TNFRSF13B: variants seen among roughly 807,000 people sequenced by gnomAD.
The protein encoded by TNFRSF13B is tumor necrosis factor receptor superfamily member 13B.
In TNFRSF13B, 34 loss-of-function variants were observed where a neutral mutation model predicts 24.0. That is an observed-to-expected ratio of 1.41 (90% CI 1.08 to 1.88). The LOEUF (loss-of-function observed/expected upper bound fraction) is 1.88, where lower values mean the gene tolerates loss of function less well. TNFRSF13B is among the 40% of genes most tolerant of loss of function. The pLI is 0.00. For missense variants in TNFRSF13B, 415 were observed against 380.8 expected (o/e 1.09, Z -0.75); for synonymous variants, 173 against 150.3 (o/e 1.15, Z -1.10).
At chr17:16,968,034 G>A (rs1257035819) in intron 1 of TNFRSF13B, among the ~76,000 whole-genome samples, 10 of 149,582 alleles carry the variant, frequency 6.7e-5, no homozygotes, top group Admixed American at 2.0e-4. Flanking sequence ...CCAGCTACTC[G>A]GGATGCTGAG....
chr17:16,941,375 G>A, intron 3 of TNFRSF13B: 1 of 987,646 alleles, frequency 1.0e-6, no homozygotes, highest in Non-Finnish European at 1.2e-6. Context: ...CTCCAGGTTT[G>A]GATGCCAGAG....
At chr17:16,962,939 C>A (rs1247502542) in intron 1 of TNFRSF13B, among the ~76,000 whole-genome samples, 1 of 152,184 alleles carries the variant, frequency 6.6e-6, no homozygotes, top group Non-Finnish European at 1.5e-5. Flanking sequence ...CAATCCAGAG[C>A]GTCTAAAATG....
chr17:16,960,380 A>G (rs971728889), intron 1 of TNFRSF13B, among the ~76,000 whole-genome samples: 1 of 152,150 alleles, frequency 6.6e-6, no homozygotes, highest in Admixed American at 6.5e-5. Context: ...GCACCAGGAG[A>G]ACTAGCCAGA....
intron 1 of TNFRSF13B, among the ~76,000 whole-genome samples, chr17:16,952,954 T>C (rs1368156643): frequency 3.3e-5 from 5 of 152,174 alleles, no homozygotes; most frequent in Admixed American, 6.5e-5. Context: ...CCCCAGCCCC[T>C]GCCCCTCAGC....
intron 3 of TNFRSF13B, among the ~76,000 whole-genome samples, chr17:16,945,773 C>T (rs1364238630): frequency 6.6e-6 from 1 of 152,180 alleles, no homozygotes; most frequent in African/African-American, 2.4e-5. Flanking sequence ...TAAAAATGGC[C>T]TTGAATTCAC....
intron 3 of TNFRSF13B, 33 bp from the exon 4 acceptor site, chr17:16,940,544 G>A (rs1215480902): frequency 5.0e-6 from 8 of 1,605,684 alleles, no homozygotes; most frequent in Non-Finnish European, 6.8e-6. Context: ...TCTCTGCAGT[G>A]CCTTCTTCTC....
rs72553885 is a variant in TNFRSF13B, at chr17:16,940,378, G to T, written c.579C>A (p.Cys193Ter). The T allele has an allele frequency of 4.2e-5, 68 of 1,613,950 alleles. No individual in the cohort carries two copies. The highest frequency in any genetic ancestry group is 5.3e-5 in the Non-Finnish European group (62 of 1,180,028). ...ACFLKKRGDP[C>*]SCQPRSRPRQ... Reference sequence around the variant, plus strand: ...GGGGCCTTGAGCGGGGCTGGCAGGAGCAGGGATCCCCCCTCTTCTTGAGGA... The same window carrying T: ...GGGGCCTTGAGCGGGGCTGGCAGGATCAGGGATCCCCCCTCTTCTTGAGGA... The change falls in exon 4 of 5, where the codon TGC (cysteine) becomes TGA (stop). Residue 193 changes from cysteine (C) to a stop codon, truncating the protein, a stop_gained. Transcript: ENST00000261652. LOFTEE classifies it high-confidence loss of function.
chr17:16,941,227 T>C (rs1356397355), intron 3 of TNFRSF13B: 1 of 987,742 alleles, frequency 1.0e-6, no homozygotes, highest in Non-Finnish European at 1.2e-6. Context: ...TCCACAGACA[T>C]GGGTCGCACG....
intron 1 of TNFRSF13B, among the ~76,000 whole-genome samples, chr17:16,962,315 TG>T (rs1353799042): frequency 6.6e-6 from 1 of 152,176 alleles, no homozygotes; most frequent in Non-Finnish European, 1.5e-5. Flanking sequence ...GAGACCAGCC[TG>T]GCCAATATGG....
intron 1 of TNFRSF13B, among the ~76,000 whole-genome samples, chr17:16,953,548 A>T (rs57293260): frequency 0.12 from 18,954 of 152,048 alleles, 1,360 homozygotes; most frequent in East Asian, 0.4. Flanking sequence ...CTCATAGGCT[A>T]ATATTGCCCC....
At chr17:16,952,196 G>A (rs2087593578) in intron 2 of TNFRSF13B, among the ~76,000 whole-genome samples, 2 of 152,220 alleles carry the variant, frequency 1.3e-5, no homozygotes, top group African/African-American at 4.8e-5. Context: ...AGATGATAGA[G>A]GGAATGCATT....
intron 4 of TNFRSF13B, chr17:16,940,037 A>G (rs2087497852): frequency 1.0e-6 from 1 of 979,224 alleles, no homozygotes; most frequent in Non-Finnish European, 1.5e-6. Context: ...ACGCCCCCCA[A>G]GGGGACACCT....
chr17:16,941,448 T>C (rs1470661196), intron 3 of TNFRSF13B: 7 of 987,516 alleles, frequency 7.1e-6, no homozygotes, highest in Non-Finnish European at 3.6e-6. Context: ...AAGCTCTTCC[T>C]TGTCCCTGGA....
intron 1 of TNFRSF13B, among the ~76,000 whole-genome samples, chr17:16,962,418 A>G (rs185227995): frequency 2.5e-4 from 38 of 152,200 alleles, no homozygotes; most frequent in African/African-American, 8.4e-4. Context: ...GAGGCAGGAG[A>G]ATCACTTGAA....
At chr17:16,957,441 G>C (rs2087632786) in intron 1 of TNFRSF13B, among the ~76,000 whole-genome samples, 1 of 152,032 alleles carries the variant, frequency 6.6e-6, no homozygotes, top group East Asian at 1.9e-4. Flanking sequence ...GTATTTGAAG[G>C]AATAATGGCC....
intron 3 of TNFRSF13B, 57 bp from the exon 4 acceptor site, chr17:16,940,568 G>A: frequency 3.2e-6 from 5 of 1,578,602 alleles, no homozygotes; most frequent in Admixed American, 3.7e-5. Flanking sequence ...CCGTCATTAG[G>A]CTCAAGCAAT....
intron 1 of TNFRSF13B, among the ~76,000 whole-genome samples, chr17:16,971,361 C>CAAAAACAA (rs56234954): frequency 0.44 from 65,760 of 150,884 alleles, 17,608 homozygotes; most frequent in East Asian, 0.93. Flanking sequence ...AAAACAAAAA[C>CAAAAACAA]AAAAACAAAA....
chr17:16,969,464 T>C (rs546774016), intron 1 of TNFRSF13B, among the ~76,000 whole-genome samples: 1 of 152,330 alleles, frequency 6.6e-6, no homozygotes, highest in Admixed American at 6.5e-5. Flanking sequence ...ATACATCACA[T>C]ATGATTCCAT....
chr17:16,971,349 AAAAAAC>A (rs199722281), intron 1 of TNFRSF13B, among the ~76,000 whole-genome samples: 3 of 68,020 alleles, frequency 4.4e-5, no homozygotes, highest in African/African-American at 1.6e-4. Context: ...ACTCTGTCTC[AAAAAAC>A]AAAAACAAAA....
Sources: allele counts gnomAD v4.1 joint callset (sites outside exome capture counted in the v4.1 genomes callset), GRCh38; gene constraint gnomAD v4.1.1; transcripts MANE v1.5; gene names NCBI Gene and HGNC (gene_info 2026-07-23, HGNC 2026-07-21).